Variants in XNDC1N observed in about 807,000 individuals in gnomAD.
XNDC1N encodes protein XNDC1N.
the XNDC1N span, among the ~76,000 whole-genome samples, chr11:71,909,429 G>A: frequency 6.6e-6 from 1 of 152,134 alleles, no homozygotes; most frequent in South Asian, 2.1e-4. Flanking sequence ...AAATAGGACA[G>A]TGGAAGAACA....
chr11:71,881,578 T>C, the XNDC1N span, among the ~76,000 whole-genome samples: 1 of 151,950 alleles, frequency 6.6e-6, no homozygotes, highest in African/African-American at 2.4e-5. Flanking sequence ...AATAAGGACA[T>C]CAGCCATATT....
chr11:71,891,466 C>T, the XNDC1N span, among the ~76,000 whole-genome samples: 2 of 151,900 alleles, frequency 1.3e-5, no homozygotes, highest in Admixed American at 1.3e-4. Context: ...GTAATGTCAT[C>T]CTCCCCAAAC....
At chr11:71,918,360 C>T in the XNDC1N span, among the ~76,000 whole-genome samples, 1 of 152,150 alleles carries the variant, frequency 6.6e-6, no homozygotes, top group African/African-American at 2.4e-5. Flanking sequence ...CAGCTCACTG[C>T]AGCCTTGACC....
the XNDC1N span, among the ~76,000 whole-genome samples, chr11:71,879,528 CTTCATGA>C: frequency 6.6e-6 from 1 of 152,068 alleles, no homozygotes; most frequent in South Asian, 2.1e-4. Flanking sequence ...TTATATAATA[CTTCATGA>C]TTCAAGATTC....
chr11:71,883,013 A>C, the XNDC1N span, among the ~76,000 whole-genome samples: 1 of 152,210 alleles, frequency 6.6e-6, no homozygotes, highest in Non-Finnish European at 1.5e-5. Context: ...GAAAAAGATA[A>C]GATATTTAAG....
At chr11:71,901,360 AG>A in the XNDC1N span, among the ~76,000 whole-genome samples, 1 of 152,076 alleles carries the variant, frequency 6.6e-6, no homozygotes, top group Non-Finnish European at 1.5e-5. Context: ...GCCCTTTGGG[AG>A]GCTGAGGCAG....
chr11:71,902,228 G>C, the XNDC1N span, among the ~76,000 whole-genome samples: 1 of 150,376 alleles, frequency 6.6e-6, no homozygotes, highest in Non-Finnish European at 1.5e-5. Context: ...TTTTGCTCTC[G>C]TTGCCCAGGC....
the XNDC1N span, among the ~76,000 whole-genome samples, chr11:71,925,152 C>A: frequency 6.6e-6 from 1 of 151,984 alleles, no homozygotes; most frequent in African/African-American, 2.4e-5. Flanking sequence ...CAGCTCCAAC[C>A]TGTCAATTCT....
the XNDC1N span, chr11:71,904,089 T>C: frequency 5.8e-6 from 3 of 519,596 alleles, no homozygotes; most frequent in Admixed American, 3.9e-5. Context: ...ATATGAAAAG[T>C]GTCCTGCGGC....
At chr11:71,919,703 C>T in the XNDC1N span, among the ~76,000 whole-genome samples, 2 of 150,480 alleles carry the variant, frequency 1.3e-5, no homozygotes, top group Non-Finnish European at 3.0e-5. Context: ...CTGCAAGCTC[C>T]GCCTCCCGGG....
At chr11:71,893,902 G>A in the XNDC1N span, 3 of 989,540 alleles carry the variant, frequency 3.0e-6, no homozygotes, top group Non-Finnish European at 2.8e-6. Context: ...TGTCTTCTTC[G>A]TTTTGGTGTC....
At chr11:71,869,892 G>A in the XNDC1N span, among the ~76,000 whole-genome samples, 2 of 152,020 alleles carry the variant, frequency 1.3e-5, no homozygotes, top group South Asian at 2.1e-4. Context: ...CTTTGGTGTC[G>A]CTGTCTGTAT....
chr11:71,926,506 T>G, the XNDC1N span, among the ~76,000 whole-genome samples: 23 of 152,232 alleles, frequency 1.5e-4, no homozygotes, highest in African/African-American at 5.5e-4. Flanking sequence ...AGCAGCATCA[T>G]GATTCTGTCA....
At chr11:71,904,421 G>C in the XNDC1N span, among the ~76,000 whole-genome samples, 1 of 152,012 alleles carries the variant, frequency 6.6e-6, no homozygotes, top group South Asian at 2.1e-4. Flanking sequence ...TACACACACC[G>C]GGTACACACA....
At chr11:71,896,142 G>T in the XNDC1N span, among the ~76,000 whole-genome samples, 1 of 152,184 alleles carries the variant, frequency 6.6e-6, no homozygotes, top group African/African-American at 2.4e-5. Flanking sequence ...AGTCGGGCGT[G>T]GTGACCTGTG....
At chr11:71,928,050 G>T in the XNDC1N span, 1 of 173,406 alleles carries the variant, frequency 5.8e-6, no homozygotes, top group South Asian at 1.1e-4. Context: ...TGAAAAATCA[G>T]TTATGAAGGT....
chr11:71,914,988 T>C, the XNDC1N span, among the ~76,000 whole-genome samples: 5 of 152,192 alleles, frequency 3.3e-5, no homozygotes, highest in Non-Finnish European at 7.3e-5. Flanking sequence ...TCAAACAGTA[T>C]CACATGCTAC....
chr11:71,881,339 C>T, the XNDC1N span, among the ~76,000 whole-genome samples: 2 of 152,052 alleles, frequency 1.3e-5, no homozygotes, highest in Admixed American at 1.3e-4. Context: ...TGTATTAGGC[C>T]ATTCTTGCAT....
the XNDC1N span, chr11:71,914,315 G>T: frequency 2.2e-6 from 1 of 456,080 alleles, no homozygotes; most frequent in South Asian, 1.5e-5. Flanking sequence ...TGTGAATTTG[G>T]AAGAAGTTGA....
Sources: allele counts gnomAD v4.1 joint callset (sites outside exome capture counted in the v4.1 genomes callset), GRCh38; gene constraint gnomAD v4.1.1; transcripts MANE v1.5; gene names NCBI Gene and HGNC (gene_info 2026-07-23, HGNC 2026-07-21).